The following TBL1X variants were observed in gnomAD, a reference collection of about 807,000 sequenced individuals.
TBL1X encodes the protein transducin beta like 1 X-linked.
TBL1X carries 10 observed loss-of-function variants against 50.7 expected under a neutral mutation model. The observed-to-expected ratio is 0.20, with a 90% confidence interval of 0.12 to 0.33. The LOEUF (loss-of-function observed/expected upper bound fraction) is 0.33, where lower values mean the gene tolerates loss of function less well. TBL1X is among the 10% of genes least tolerant of loss of function. TBL1X has a pLI of 1.00. For missense variants in TBL1X, 340 were observed against 504.4 expected, an observed-to-expected ratio of 0.67 and a Z score of 3.12; for synonymous variants, 190 against 214.7, an observed-to-expected ratio of 0.88 and a Z score of 1.01.
At chrX:9,590,161 G>T (rs1373667649) in intron 2 of TBL1X, among the ~76,000 whole-genome samples, 1 of 111,768 alleles carries the variant, frequency 8.9e-6, no homozygotes, top group African/African-American at 3.3e-5. Flanking sequence ...AGAGAGAAAG[G>T]GCGGAAGGAG....
intron 2 of TBL1X, among the ~76,000 whole-genome samples, chrX:9,574,459 GAA>G (rs376384853): frequency 1.9e-3 from 56 of 30,115 alleles, no homozygotes; most frequent in African/African-American, 4.0e-3. Flanking sequence ...TGTCTCAAAT[GAA>G]AAAAAAAAAA....
chrX:9,494,007 T>C (rs777673100), intron 1 of TBL1X, among the ~76,000 whole-genome samples: 1 of 111,386 alleles, frequency 9.0e-6, no homozygotes, highest in East Asian at 2.8e-4. Context: ...GAGGTTGTTT[T>C]AGCACCACAC....
intron 2 of TBL1X, among the ~76,000 whole-genome samples, chrX:9,577,688 C>G (rs749978837): frequency 8.9e-6 from 1 of 111,936 alleles, no homozygotes; most frequent in Non-Finnish European, 1.9e-5. Context: ...GCTTTCTATT[C>G]CGAAGACCAG....
In TBL1X at chrX:9,718,390, GATGAGT is replaced by G. The variant is rs1289321214; in HGVS notation, c.*2147_*2152del. 2 of 111,945 alleles carry G rather than the reference GATGAGT, an allele frequency of 1.8e-5. No homozygotes were observed. The highest frequency in any genetic ancestry group is 3.8e-5 in the Non-Finnish European group (2 of 53,188). 9.2% of individuals were successfully genotyped at this position (111,945 alleles called of 1,213,427 possible). ...AGACCAAAAAGTGCTCTGGTTCTGA[GATGAGT>G]ATTTTATTCGTGTTCTGTTTCCGAA... On this transcript the variant is annotated 3_prime_UTR_variant, in exon 18 of 18. Coordinates refer to ENST00000645353, the MANE Select transcript of TBL1X (RefSeq NM_005647.4).
At chrX:9,672,904 T>G (rs1421812856) in intron 5 of TBL1X, among the ~76,000 whole-genome samples, 1 of 112,486 alleles carries the variant, frequency 8.9e-6, no homozygotes. Context: ...AGAGATTTTT[T>G]TCTCACATTT....
At chrX:9,534,563 C>A (rs1314093235) in intron 2 of TBL1X, among the ~76,000 whole-genome samples, 1 of 110,191 alleles carries the variant, frequency 9.1e-6, no homozygotes, top group Non-Finnish European at 1.9e-5. Flanking sequence ...TCTTAATACC[C>A]TAATTTAAAA....
intron 2 of TBL1X, among the ~76,000 whole-genome samples, chrX:9,608,211 T>A (rs2082593817): frequency 9.0e-6 from 1 of 111,152 alleles, no homozygotes; most frequent in African/African-American, 3.3e-5. Context: ...CACCACATCA[T>A]ATCAAGGGTA....
chrX:9,519,531 A>G (rs978684798), intron 2 of TBL1X, among the ~76,000 whole-genome samples: 1 of 112,469 alleles, frequency 8.9e-6, no homozygotes, highest in South Asian at 3.6e-4. Flanking sequence ...GGAGAAAAAC[A>G]TTTCTGAGGA....
At position 9,566,674 on chromosome X, in the gene TBL1X, G is replaced by C. The variant is rs182640149; in HGVS notation, c.-131+64825G>C. On this transcript the variant is annotated intron_variant, in intron 2 of 17. Transcript: ENST00000645353. ...ATGGTACAACTTGAATTTCTCTGGA[G>C]TTGAAATGTTAATCATTATGGCAAA... is the stretch of plus-strand genomic sequence containing the variant. 2.0e-4 allele frequency among the ~76,000 whole-genome samples: 22 copies of C among 112,356 alleles called. No homozygotes were observed. In the East Asian group the frequency reaches 5.3e-3, roughly 27 times the overall value.
intron 4 of TBL1X, 125 bp downstream of exon 4, chrX:9,653,814 G>A (rs889321290): frequency 2.0e-5 from 12 of 594,298 alleles, no homozygotes; most frequent in African/African-American, 6.8e-5. Context: ...ATCCCTCCAC[G>A]TCTGCCTGAG....
chrX:9,547,869 C>A (rs1284693239), intron 2 of TBL1X, among the ~76,000 whole-genome samples: 1 of 100,436 alleles, frequency 1.0e-5, no homozygotes, highest in African/African-American at 3.7e-5. Context: ...CCCTCCCTCT[C>A]AAGCCCAACT....
intron 5 of TBL1X, among the ~76,000 whole-genome samples, chrX:9,669,284 C>T (rs1178847946): frequency 1.8e-5 from 2 of 111,793 alleles, no homozygotes; most frequent in African/African-American, 3.3e-5. Flanking sequence ...TCATCTATAA[C>T]GAAAGAGGCC....
chrX:9,609,116 C>G (rs2082599140), intron 2 of TBL1X, among the ~76,000 whole-genome samples: 1 of 111,859 alleles, frequency 8.9e-6, no homozygotes, highest in African/African-American at 3.3e-5. Context: ...GAAGAAAAGT[C>G]AGTAGGTAAA....
chrX:9,510,866 G>T (rs981065947), intron 2 of TBL1X, among the ~76,000 whole-genome samples: 5 of 111,668 alleles, frequency 4.5e-5, no homozygotes, highest in African/African-American at 1.6e-4. Context: ...GCCTGCTCTG[G>T]AAAGTTTGGG....
chrX:9,634,455 C>T (rs990639349), intron 2 of TBL1X, among the ~76,000 whole-genome samples: 2 of 111,488 alleles, frequency 1.8e-5, no homozygotes, highest in African/African-American at 6.5e-5. Context: ...ATTATTTAAT[C>T]CAAGCTCAAA....
chrX:9,491,332 A>ATTT (rs1346823218), intron 1 of TBL1X, among the ~76,000 whole-genome samples: 24 of 23,175 alleles, frequency 1.0e-3, no homozygotes, highest in African/African-American at 4.2e-3. Flanking sequence ...ATATATATAT[A>ATTT]TATATATTTT....
At chrX:9,524,524 T>G (rs1454806988) in intron 2 of TBL1X, among the ~76,000 whole-genome samples, 1 of 112,002 alleles carries the variant, frequency 8.9e-6, no homozygotes, top group Non-Finnish European at 1.9e-5. Flanking sequence ...CGTACTGTCC[T>G]CCAGGTTCGT....
chrX:9,705,723 TA>T (rs34666783), intron 13 of TBL1X, among the ~76,000 whole-genome samples: 26,729 of 77,891 alleles, frequency 0.34, 3,627 homozygotes, highest in South Asian at 0.53. Flanking sequence ...CTTGTCTCTT[TA>T]AAAAAAAAAA....
chrX:9,467,006 G>A (rs1359148383), intron 1 of TBL1X, among the ~76,000 whole-genome samples: 1 of 111,816 alleles, frequency 8.9e-6, no homozygotes, highest in African/African-American at 3.3e-5. Context: ...CAACTCTCAG[G>A]CATTTTGCCC....
Sources: gnomAD v4.1 joint callset for allele counts (sites outside exome capture counted in the v4.1 genomes callset) on GRCh38, gnomAD v4.1.1 for gene constraint, MANE v1.5 for transcripts, NCBI Gene and HGNC (gene_info 2026-07-23, HGNC 2026-07-21) for gene names.